MYO5B: variants seen among roughly 807,000 people sequenced by gnomAD.
MYO5B encodes the protein myosin VB.
MYO5B carries 143 observed loss-of-function variants against 229.3 expected under a neutral mutation model. That is an observed-to-expected ratio of 0.62 (90% CI 0.54 to 0.72). The LOEUF is 0.72. Among genes scored for constraint, MYO5B ranks in the 30% least tolerant of loss-of-function variants. The pLI is 0.00. For synonymous variants in MYO5B, 918 were observed against 885.2 expected (o/e 1.04, Z -0.66); for missense variants, 2,321 against 2,331.0 (o/e 1.00, Z 0.09).
At position 49,824,006 on chromosome 18, in the gene MYO5B, C is replaced by T. The variant is rs140222157; in HGVS notation, c.*2465G>A. The T allele has an allele frequency of 5.8e-4, 89 of 152,460 alleles. 1 individual carries two copies. The East Asian group carries it at 8.1e-3, about 14-fold the overall frequency. The allele number at this position is 152,460 out of a possible 1,614,324, so 9.4% of individuals were successfully genotyped here. A position where few individuals can be genotyped will look rare whatever the true frequency, so the allele number is the denominator to read the frequency against. ...AACTGATGTCAGTTATCTTAGTAACCGCTAAAGGCACCTGGTGAAAAAAAT... is the reference window on the plus strand; with the variant it reads ...AACTGATGTCAGTTATCTTAGTAACTGCTAAAGGCACCTGGTGAAAAAAAT... On this transcript the variant is annotated 3_prime_UTR_variant, in exon 40 of 40. Coordinates refer to ENST00000285039, the MANE Select transcript of MYO5B (RefSeq NM_001080467.3).
chr18:50,094,848 A>T (rs1377582234), intron 1 of MYO5B, among the ~76,000 whole-genome samples: 2 of 147,258 alleles, frequency 1.4e-5, no homozygotes, highest in East Asian at 4.0e-4. Context: ...ATTTTTTTTT[A>T]AAACAGTCTC....
chr18:50,083,383 C>CCAA (rs2031262494), intron 1 of MYO5B, among the ~76,000 whole-genome samples: 1 of 152,146 alleles, frequency 6.6e-6, no homozygotes, highest in African/African-American at 2.4e-5. Context: ...TGGGACAATT[C>CCAA]CAACCCTCTA....
At chr18:50,016,352 C>T (rs2026215366) in intron 4 of MYO5B, among the ~76,000 whole-genome samples, 1 of 152,170 alleles carries the variant, frequency 6.6e-6, no homozygotes, top group Admixed American at 6.5e-5. Flanking sequence ...AGTTTAAAGG[C>T]TGGCATCTAA....
At chr18:50,147,366 C>T (rs1485695719) in intron 1 of MYO5B, among the ~76,000 whole-genome samples, 3 of 152,310 alleles carry the variant, frequency 2.0e-5, no homozygotes, top group East Asian at 1.9e-4. Flanking sequence ...CCTGCCACTG[C>T]CCTGTCCACA....
chr18:50,016,456 A>G (rs751685948), intron 4 of MYO5B, among the ~76,000 whole-genome samples: 2 of 152,192 alleles, frequency 1.3e-5, no homozygotes, highest in South Asian at 2.1e-4. Context: ...ATGTGTATCT[A>G]TGAAATACAA....
At chr18:50,135,017 ATAAG>A (rs2032314459) in intron 1 of MYO5B, among the ~76,000 whole-genome samples, 1 of 152,192 alleles carries the variant, frequency 6.6e-6, no homozygotes, top group Non-Finnish European at 1.5e-5. Flanking sequence ...CCTGATTGTA[ATAAG>A]TGTGTTCCTC....
chr18:49,972,762 C>G (rs1291743156), intron 10 of MYO5B, among the ~76,000 whole-genome samples: 1 of 152,060 alleles, frequency 6.6e-6, no homozygotes, highest in Non-Finnish European at 1.5e-5. Context: ...TATGCTCTCC[C>G]AAGAGCAACT....
intron 9 of MYO5B, among the ~76,000 whole-genome samples, chr18:49,979,140 T>C (rs925110626): frequency 6.6e-5 from 10 of 152,182 alleles, no homozygotes; most frequent in African/African-American, 2.4e-4. Flanking sequence ...GGTCCTCCTC[T>C]GAACATGACA....
intron 1 of MYO5B, among the ~76,000 whole-genome samples, chr18:50,189,405 T>G (rs1219865133): frequency 6.6e-6 from 1 of 152,270 alleles, no homozygotes; most frequent in East Asian, 1.9e-4. Context: ...GGTCATACTT[T>G]AGAGCTGTTC....
intron 22 of MYO5B, among the ~76,000 whole-genome samples, chr18:49,888,571 A>G (rs1287869082): frequency 6.6e-6 from 1 of 152,202 alleles, no homozygotes; most frequent in Non-Finnish European, 1.5e-5. Flanking sequence ...TGGTTGCAGC[A>G]CGGGCACTGA....
At chr18:50,147,393 C>T (rs1048268312) in intron 1 of MYO5B, among the ~76,000 whole-genome samples, 3 of 152,218 alleles carry the variant, frequency 2.0e-5, no homozygotes, top group Admixed American at 6.5e-5. Flanking sequence ...TGAATTACTG[C>T]AGTGACCTCC....
At chr18:50,128,145 T>C (rs1448234504) in intron 1 of MYO5B, among the ~76,000 whole-genome samples, 1 of 152,224 alleles carries the variant, frequency 6.6e-6, no homozygotes, top group Non-Finnish European at 1.5e-5. Flanking sequence ...TATATAAATA[T>C]GTGTATTTCC....
intron 1 of MYO5B, among the ~76,000 whole-genome samples, chr18:50,163,587 G>A (rs1279671887): frequency 1.3e-5 from 2 of 152,194 alleles, no homozygotes; most frequent in African/African-American, 4.8e-5. Flanking sequence ...AGCAGCCCAG[G>A]TGCTGGATAC....
At chr18:49,837,946 ATTTGGC>A in intron 36 of MYO5B, 144 bp from the exon 37 acceptor site, 7 of 1,082,098 alleles carry the variant, frequency 6.5e-6, no homozygotes, top group African/African-American at 4.7e-5. Flanking sequence ...AACTTATAAC[ATTTGGC>A]AAAAAATTTC....
chr18:50,037,023 G>C, intron 3 of MYO5B, 29 bp from the exon 4 acceptor site: 1 of 1,613,664 alleles, frequency 6.2e-7, no homozygotes, highest in Non-Finnish European at 8.5e-7. Flanking sequence ...GTCAGATTCC[G>C]ACAGCACAGA....
At chr18:50,191,802 G>T (rs1455186384) in intron 1 of MYO5B, among the ~76,000 whole-genome samples, 4 of 152,104 alleles carry the variant, frequency 2.6e-5, no homozygotes, top group Non-Finnish European at 4.4e-5. Context: ...GTATGAATGG[G>T]ATCTAGAACA....
chr18:49,965,405 C>T (rs2025611640), intron 10 of MYO5B, among the ~76,000 whole-genome samples: 1 of 151,642 alleles, frequency 6.6e-6, no homozygotes, highest in Admixed American at 6.6e-5. Context: ...TGGACATTTT[C>T]CATCTCTTCT....
At chr18:49,882,884 T>C (rs1246275236) in intron 22 of MYO5B, among the ~76,000 whole-genome samples, 1 of 152,180 alleles carries the variant, frequency 6.6e-6, no homozygotes, top group Non-Finnish European at 1.5e-5. Flanking sequence ...CCCAATTCCA[T>C]TCTATGAGGC....
Position 50,040,272 on chromosome 18 carries a change from A to C in MYO5B, c.181T>G (p.Phe61Val). 6.2e-7 allele frequency: 1 copy of C among 1,614,154 alleles called. No homozygotes were observed. The highest frequency in any genetic ancestry group is 1.6e-4 in the Middle Eastern group (1 of 6,062). ...PIDVQRNQLP[F>V]LRNPDILVGE... ...ACCAAGATATCTGGATTCCGTAAGAAGGGCAGCTGGTTGCGTTGTACATCA... is the reference window on the plus strand; with the variant it reads ...ACCAAGATATCTGGATTCCGTAAGACGGGCAGCTGGTTGCGTTGTACATCA... The change falls in exon 3 of 40, where the codon TTC becomes GTC. Residue 61 changes from phenylalanine to valine, a missense_variant. By Grantham distance (50) the Phe-to-Val change is conservative (BLOSUM62 -1). Around this residue, in one of 2 missense-constraint regions of MYO5B, gnomAD observed 2,113 missense variants for 2,044.7 expected, o/e 1.03. Coordinates refer to ENST00000285039, the MANE Select transcript of MYO5B (RefSeq NM_001080467.3).
Sources: allele counts gnomAD v4.1 joint callset (sites outside exome capture counted in the v4.1 genomes callset), GRCh38; gene constraint gnomAD v4.1.1; regional missense constraint gnomAD v4.1.1; transcripts MANE v1.5; gene names NCBI Gene and HGNC (gene_info 2026-07-23, HGNC 2026-07-21).